The following CFAP36 variants were observed in gnomAD, a reference collection of about 807,000 sequenced individuals.
CFAP36 encodes cilia and flagella associated protein 36.
Under a neutral mutation model 50.5 loss-of-function variants are expected in CFAP36, and 37 were observed. The observed-to-expected ratio is 0.73, with a 90% CI of 0.56 to 0.96. CFAP36 has a LOEUF of 0.96. CFAP36 is among the 50% of genes least tolerant of loss of function. The pLI, the probability that CFAP36 is intolerant of heterozygous loss-of-function variation, is 0.00. For missense variants in CFAP36, 407 were observed against 396.2 expected (o/e 1.03, Z -0.23); for synonymous variants, 138 against 128.2 (o/e 1.08, Z -0.52).
chr2:55,521,938 A>G (rs1213537609), intron 1 of CFAP36, among the ~76,000 whole-genome samples, 164 bp from the exon 2 acceptor site: 1 of 152,086 alleles, frequency 6.6e-6, no homozygotes, highest in Non-Finnish European at 1.5e-5. Context: ...CCAATAGTAT[A>G]TATTTTTAGA....
intron 6 of CFAP36, among the ~76,000 whole-genome samples, chr2:55,537,069 G>A (rs769217017): frequency 2.0e-4 from 30 of 152,134 alleles, no homozygotes; most frequent in Non-Finnish European, 3.7e-4. Context: ...TTATAAGAGT[G>A]TATACTTTAT....
At chr2:55,542,999 C>G (rs1684677293) in intron 7 of CFAP36, among the ~76,000 whole-genome samples, 1 of 151,916 alleles carries the variant, frequency 6.6e-6, no homozygotes, top group Non-Finnish European at 1.5e-5. Context: ...GAGGAGTGGT[C>G]TGTTGTCAAG....
intron 3 of CFAP36, among the ~76,000 whole-genome samples, chr2:55,528,118 G>A (rs1246205985): frequency 1.3e-5 from 2 of 151,410 alleles, no homozygotes; most frequent in Non-Finnish European, 2.9e-5. Flanking sequence ...CTCCCAAAGT[G>A]CTGGGATTAC....
chr2:55,537,636 C>G (rs1684526471), intron 7 of CFAP36, 51 bp downstream of exon 7: 2 of 1,159,166 alleles, frequency 1.7e-6, no homozygotes, highest in Non-Finnish European at 2.5e-6. Context: ...TACATAAACA[C>G]CATATAGAAT....
intron 4 of CFAP36, chr2:55,531,178 C>G (rs1306890904): frequency 6.6e-6 from 1 of 152,184 alleles, no homozygotes; most frequent in South Asian, 2.1e-4. Flanking sequence ...AAAATAGTCT[C>G]TTTCTACTGT....
At chr2:55,519,997 ATC>A (rs1449943312) in intron 1 of CFAP36, 81 bp downstream of exon 1, 46 of 1,282,054 alleles carry the variant, frequency 3.6e-5, no homozygotes, top group Middle Eastern at 1.9e-4. Flanking sequence ...ACCACAAGCC[ATC>A]TCTCGTCTCC....
At chr2:55,530,776 T>C (rs1322533176) in intron 4 of CFAP36, among the ~76,000 whole-genome samples, 7 of 152,260 alleles carry the variant, frequency 4.6e-5, no homozygotes, top group East Asian at 3.8e-4. Flanking sequence ...GTTAGCTCAA[T>C]AGATTGCCAT....
chr2:55,541,443 A>G (rs1296104344), intron 7 of CFAP36, among the ~76,000 whole-genome samples: 1 of 152,216 alleles, frequency 6.6e-6, no homozygotes, highest in Non-Finnish European at 1.5e-5. Context: ...GTTATATTTT[A>G]TATCTAAGTA....
At chr2:55,536,003 A>T in intron 6 of CFAP36, 1 of 711,376 alleles carries the variant, frequency 1.4e-6, no homozygotes, top group Non-Finnish European at 2.0e-6. Context: ...ACCACATAGT[A>T]CTAATTAATC....
At position 55,519,936 on chromosome 2, in the gene CFAP36, C is replaced by G. The variant is rs773538975; in HGVS notation, c.115+20C>G. 3 of 1,608,470 alleles carry G rather than the reference C, an allele frequency of 1.9e-6. No individual in the cohort carries two copies. The highest frequency in any genetic ancestry group is 1.7e-5 in the Admixed American group (1 of 59,990). ...GTGAAGGTAAAAACCAGAGCCCGAA[C>G]CGACAATCCTTTTCTCCTCTCTCAC... On this transcript the variant is annotated intron_variant, in intron 1 of 9. Coordinates refer to ENST00000349456, the MANE Select transcript of CFAP36 (RefSeq NM_080667.7).
intron 3 of CFAP36, among the ~76,000 whole-genome samples, chr2:55,525,836 T>A (rs1684194525): frequency 6.6e-6 from 1 of 152,212 alleles, no homozygotes; most frequent in African/African-American, 2.4e-5. Flanking sequence ...TTCACTATGT[T>A]GGCCAAGCTG....
chr2:55,536,194 G>A (rs918354203), intron 6 of CFAP36, among the ~76,000 whole-genome samples: 1 of 149,824 alleles, frequency 6.7e-6, no homozygotes, highest in Non-Finnish European at 1.5e-5. Flanking sequence ...GTGCAGTGGT[G>A]TGATCTTGGC....
Position 55,519,825 on chromosome 2 carries a change from G to C in CFAP36, c.24G>C (p.Glu8Asp), listed in dbSNP as rs551462553. Residue 8 changes from glutamate (E) to aspartate (D), a missense_variant, in exon 1 of 10, where the codon GAG (glutamate) becomes GAC (aspartate). Coordinates refer to ENST00000349456, the MANE Select transcript of CFAP36 (RefSeq NM_080667.7). ...GGATGGCTGCGGAAGAAGAAGACGA[G>C]GTGGAGTGGGTAGTGGAGAGCATCG... MAAEEEDEVEWVVESIAG... is the reference protein window; with the variant it reads MAAEEEDDVEWVVESIAG... 5.4e-5 allele frequency: 87 copies of C among 1,614,276 alleles called. 1 individual carries two copies. The Middle Eastern group carries it at 1.5e-3, about 28-fold the overall frequency.
At chr2:55,533,107 T>A in intron 4 of CFAP36, among the ~76,000 whole-genome samples, 1 of 152,208 alleles carries the variant, frequency 6.6e-6, no homozygotes, top group East Asian at 1.9e-4. Flanking sequence ...ACATCTGTTA[T>A]AATATAAATG....
intron 1 of CFAP36, 63 bp from the exon 2 acceptor site, chr2:55,522,039 T>C (rs1184481752): frequency 3.6e-6 from 3 of 836,270 alleles, no homozygotes; most frequent in Admixed American, 2.6e-5. Flanking sequence ...GAGTGGATTT[T>C]TAAATTTGCA....
At chr2:55,528,841 C>A in intron 3 of CFAP36, 37 bp from the exon 4 acceptor site, 1 of 1,338,130 alleles carries the variant, frequency 7.5e-7, no homozygotes, top group Non-Finnish European at 1.1e-6. Flanking sequence ...AGTTTTAAAA[C>A]TTGAATCTTC....
intron 7 of CFAP36, 98 bp downstream of exon 7, chr2:55,537,683 C>T: frequency 2.5e-6 from 2 of 801,792 alleles, no homozygotes; most frequent in South Asian, 3.9e-5. Flanking sequence ...TTCAAAAGCC[C>T]TGGGAGGGAG....
Position 55,545,018 on chromosome 2 carries a change from A to G in CFAP36, c.*10A>G. ...AGTTATTAATAAGTAATAATTAAGAACAATTTAACAAAATGGAAGTTCAAA... is the reference window on the plus strand; with the variant it reads ...AGTTATTAATAAGTAATAATTAAGAGCAATTTAACAAAATGGAAGTTCAAA... On this transcript the variant is annotated 3_prime_UTR_variant, in exon 10 of 10. Transcript: ENST00000349456. The G allele has an allele frequency of 6.9e-7, 1 of 1,444,482 alleles. No individual in the cohort carries two copies. The highest frequency in any genetic ancestry group is 9.5e-7 in the Non-Finnish European group (1 of 1,053,048). The allele number at this position is 1,444,482 out of a possible 1,614,324, so 89.5% of individuals were successfully genotyped here. A position where few individuals can be genotyped will look rare whatever the true frequency, so the allele number is the denominator to read the frequency against.
chr2:55,520,412 C>T (rs1684031265), intron 1 of CFAP36: 1 of 1,545,350 alleles, frequency 6.5e-7, no homozygotes, highest in Non-Finnish European at 8.7e-7. Context: ...CAGTTAACTG[C>T]AAAGGAGGGC....
Sources: allele counts gnomAD v4.1 joint callset (sites outside exome capture counted in the v4.1 genomes callset), GRCh38; gene constraint gnomAD v4.1.1; transcripts MANE v1.5; gene names NCBI Gene and HGNC (gene_info 2026-07-23, HGNC 2026-07-21).